Variants in XPNPEP3 observed in about 807,000 individuals in gnomAD.
XPNPEP3 encodes the protein X-prolyl aminopeptidase 3.
Under a neutral mutation model 60.0 loss-of-function variants are expected in XPNPEP3, and 41 were observed. The ratio of observed to expected loss-of-function variants is 0.68; its 90% CI spans 0.53 to 0.89. The LOEUF is 0.89. Ranked by LOEUF, XPNPEP3 falls within the 40% of genes least tolerant of loss-of-function variation. The pLI is 0.00. For missense variants in XPNPEP3, 598 were observed against 638.9 expected, an observed-to-expected ratio of 0.94 and a Z score of 0.69; for synonymous variants, 212 against 223.2, an observed-to-expected ratio of 0.95 and a Z score of 0.45.
chr22:40,880,270 G>C (rs567869357), intron 2 of XPNPEP3, among the ~76,000 whole-genome samples: 21 of 151,314 alleles, frequency 1.4e-4, no homozygotes, highest in Admixed American at 7.2e-4. Context: ...AATAAGTTAT[G>C]GTCTCTTCAC....
rs1281572835 is a variant in XPNPEP3, at chr22:40,926,991, C to G, written c.*556C>G. ...TATCTACTGGAGCCATATGAGCCCTCAGGGGCACTGGTGTCCTGCAGTCTT... is the reference window on the plus strand; with the variant it reads ...TATCTACTGGAGCCATATGAGCCCTGAGGGGCACTGGTGTCCTGCAGTCTT... On this transcript the variant is annotated 3_prime_UTR_variant, in exon 10 of 10. Coordinates refer to ENST00000357137, the MANE Select transcript of XPNPEP3 (RefSeq NM_022098.4). 6.0e-6 allele frequency: 1 copy of G among 168,004 alleles called. No homozygotes were observed. 10.4% of individuals were successfully genotyped at this position (168,004 alleles called of 1,614,324 possible).
chr22:40,908,201 A>C (rs1441237596), intron 5 of XPNPEP3, among the ~76,000 whole-genome samples: 1 of 151,814 alleles, frequency 6.6e-6, no homozygotes, highest in African/African-American at 2.4e-5. Flanking sequence ...CCTGGGCAAC[A>C]GAGCAAGACT....
rs1480692918 is a variant in XPNPEP3 at position 40,899,331 on chromosome 22, TAACCAAACTATTG to T, written c.793-8253_793-8241del. Among the ~76,000 whole-genome samples, 4 of 152,282 alleles carry T rather than the reference TAACCAAACTATTG, an allele frequency of 2.6e-5. No homozygotes were observed. In the South Asian group the frequency reaches 6.2e-4, roughly 24 times the overall value. On this transcript the variant is annotated intron_variant, in intron 4 of 9. Transcript: ENST00000357137. Reference sequence around the variant, plus strand: ...TACTTTCAGCCAGCACTGAAGGCACTAACCAAACTATTGAATATTTAGCAGACCTACCAGCGAT... The same window carrying T: ...TACTTTCAGCCAGCACTGAAGGCACTAATATTTAGCAGACCTACCAGCGAT...
intron 1 of XPNPEP3, among the ~76,000 whole-genome samples, chr22:40,865,161 T>C (rs2057971995): frequency 6.6e-6 from 1 of 152,146 alleles, no homozygotes; most frequent in African/African-American, 2.4e-5. Context: ...TGTCTTTGCT[T>C]TCTTACATCC....
chr22:40,918,064 C>A (rs1018046743), intron 7 of XPNPEP3, among the ~76,000 whole-genome samples: 12 of 148,370 alleles, frequency 8.1e-5, no homozygotes, highest in Non-Finnish European at 1.5e-4. Context: ...TAAAAAAAAT[C>A]ACAATTAACT....
intron 1 of XPNPEP3, 35 bp from the exon 2 acceptor site, chr22:40,868,964 A>G (rs905077732): frequency 2.6e-6 from 4 of 1,540,634 alleles, no homozygotes; most frequent in Admixed American, 1.7e-5. Context: ...TTCTAGATCT[A>G]TTGTTTCATT....
intron 7 of XPNPEP3, chr22:40,917,308 T>A (rs1184756763): frequency 6.6e-6 from 1 of 151,956 alleles, no homozygotes; most frequent in Non-Finnish European, 1.5e-5. Flanking sequence ...ACTCTCATAC[T>A]GATCAGTAAT....
intron 4 of XPNPEP3, among the ~76,000 whole-genome samples, chr22:40,900,266 A>G (rs1402248691): frequency 6.6e-6 from 1 of 151,646 alleles, no homozygotes. Context: ...AAACTTCTCT[A>G]CATCAAAGGG....
rs142343218 is a variant in XPNPEP3 at position 40,929,755 on chromosome 22, T to G, written c.*3320T>G. On this transcript the variant is annotated 3_prime_UTR_variant, in exon 10 of 10. Transcript: ENST00000357137. Reference sequence around the variant, plus strand: ...TCTCATAGCAATGTTATGGGCTGTCTGATATATTCAGGATTTGTTGAGCAG... The same window carrying G: ...TCTCATAGCAATGTTATGGGCTGTCGGATATATTCAGGATTTGTTGAGCAG... 1.3e-5 allele frequency: 2 copies of G among 152,314 alleles called. No individual in the cohort carries two copies. The highest frequency in any genetic ancestry group is 3.9e-4 in the East Asian group (2 of 5,186). The allele number at this position is 152,314 out of a possible 1,614,324, so 9.4% of individuals were successfully genotyped here. A position where few individuals can be genotyped will look rare whatever the true frequency, so the allele number is the denominator to read the frequency against.
intron 1 of XPNPEP3, chr22:40,861,481 A>G (rs769417541): frequency 1.2e-6 from 2 of 1,614,204 alleles, no homozygotes; most frequent in Admixed American, 3.3e-5. Flanking sequence ...GCCAGGGAAG[A>G]GAAAGAAGTA....
At chr22:40,883,524 A>C (rs1320035192) in intron 3 of XPNPEP3, among the ~76,000 whole-genome samples, 1 of 151,900 alleles carries the variant, frequency 6.6e-6, no homozygotes, top group Non-Finnish European at 1.5e-5. Context: ...ATGTCTGGCT[A>C]ATTTTTTTTT....
Position 40,881,956 on chromosome 22 carries a change from A to G in XPNPEP3, c.368A>G (p.Tyr123Cys), listed in dbSNP as rs1019647882. The change falls in exon 3 of 10, where the codon TAC becomes TGC. Residue 123 changes from tyrosine (Y) to cysteine (C), a missense_variant. Transcript: ENST00000357137. ...TTCCACCAAGACAACAATTTCCTGT[A>G]CCTATGTGGATTCCAAGAGCCTGAT... ...YTFHQDNNFL[Y>C]LCGFQEPDSI... 6.8e-6 allele frequency: 11 copies of G among 1,613,950 alleles called. No individual in the cohort carries two copies. The highest frequency in any genetic ancestry group is 9.3e-6 in the Non-Finnish European group (11 of 1,180,008).
At chr22:40,875,453 A>C (rs1390057194) in intron 2 of XPNPEP3, among the ~76,000 whole-genome samples, 1 of 152,128 alleles carries the variant, frequency 6.6e-6, no homozygotes, top group Non-Finnish European at 1.5e-5. Context: ...TCATCTCCTG[A>C]TTCAATTTTA....
chr22:40,891,668 G>C (rs1002548783), intron 4 of XPNPEP3, among the ~76,000 whole-genome samples: 1 of 151,366 alleles, frequency 6.6e-6, no homozygotes, highest in African/African-American at 2.4e-5. Context: ...AAAAAAAAAG[G>C]TTACAAGGTT....
chr22:40,858,960 A>C (rs1010059152), intron 1 of XPNPEP3, among the ~76,000 whole-genome samples: 1 of 151,978 alleles, frequency 6.6e-6, no homozygotes, highest in Admixed American at 6.6e-5. Flanking sequence ...CTTTTTTTGG[A>C]GATGGGGTCT....
intron 4 of XPNPEP3, 45 bp from the exon 5 acceptor site, chr22:40,907,542 C>G: frequency 6.4e-7 from 1 of 1,574,134 alleles, no homozygotes; most frequent in South Asian, 1.1e-5. Context: ...GAGTAAGCAA[C>G]ATAGAATGAG....
intron 6 of XPNPEP3, among the ~76,000 whole-genome samples, chr22:40,909,965 C>G (rs2058171210): frequency 1.3e-5 from 2 of 151,818 alleles, no homozygotes; most frequent in Non-Finnish European, 2.9e-5. Context: ...TAAGAAATTG[C>G]TGTTAGCTGT....
Position 40,899,927 on chromosome 22 carries a change from T to G in XPNPEP3, c.793-7660T>G, listed in dbSNP as rs2058125208. Among the ~76,000 whole-genome samples the G allele has an allele frequency of 2.0e-5, 3 of 151,496 alleles. No individual in the cohort carries two copies. In the South Asian group the frequency reaches 6.3e-4, roughly 32 times the overall value. On this transcript the variant is annotated intron_variant, in intron 4 of 9. Coordinates refer to ENST00000357137, the MANE Select transcript of XPNPEP3 (RefSeq NM_022098.4). Reference sequence around the variant, plus strand: ...GGCATATGCCTGTAATCCCGAATACTCGGGAGGCAGTCTCCCTTTGTTCCC... The same window carrying G: ...GGCATATGCCTGTAATCCCGAATACGCGGGAGGCAGTCTCCCTTTGTTCCC...
intron 2 of XPNPEP3, among the ~76,000 whole-genome samples, chr22:40,880,747 G>C (rs1037650722): frequency 1.4e-5 from 2 of 147,634 alleles, no homozygotes; most frequent in African/African-American, 5.0e-5. Context: ...CCAAGATTGC[G>C]CCACTGCACT....
Sources: gnomAD v4.1 joint callset for allele counts (sites outside exome capture counted in the v4.1 genomes callset) on GRCh38, gnomAD v4.1.1 for gene constraint, MANE v1.5 for transcripts, NCBI Gene and HGNC (gene_info 2026-07-23, HGNC 2026-07-21) for gene names.